The following UGT8 variants were observed in gnomAD, a reference collection of about 807,000 sequenced individuals.
UGT8 encodes the protein 2-hydroxyacylsphingosine 1-beta-galactosyltransferase.
Under a neutral mutation model 40.5 loss-of-function variants are expected in UGT8, and 12 were observed. The ratio of observed to expected loss-of-function variants is 0.30; its 90% CI spans 0.19 to 0.48. UGT8 has a LOEUF of 0.48. UGT8 is among the 20% of genes least tolerant of loss of function. UGT8 has a pLI of 0.99. For synonymous variants in UGT8, 224 were observed against 240.4 expected, an observed-to-expected ratio of 0.93 and a Z score of 0.63; for missense variants, 513 against 648.7, an observed-to-expected ratio of 0.79 and a Z score of 2.27.
chr4:114,646,147 A>G (rs1309947543), intron 2 of UGT8, among the ~76,000 whole-genome samples: 1 of 151,816 alleles, frequency 6.6e-6, no homozygotes, highest in Non-Finnish European at 1.5e-5. Flanking sequence ...TGATACTTAA[A>G]GAAGAACTTC....
Position 114,677,237 on chromosome 4 carries a change from A to G in UGT8, c.*949A>G, listed in dbSNP as rs114309643. 6.6e-6 allele frequency: 1 copy of G among 152,294 alleles called. No individual in the cohort carries two copies. Among genetic ancestry groups the G allele is most frequent in the Non-Finnish European group, 1.5e-5 (1 of 68,012 alleles). 9.4% of individuals were successfully genotyped at this position (152,294 alleles called of 1,614,324 possible). A position where few individuals can be genotyped will look rare whatever the true frequency, so the allele number is the denominator to read the frequency against. On this transcript the variant is annotated 3_prime_UTR_variant, in exon 6 of 6. Transcript: ENST00000310836. ...GTAACTGATGGCTTTTCTATAATGTAATTTTTGAATGTTCAGGTGTTACAT... is the reference window on the plus strand; with the variant it reads ...GTAACTGATGGCTTTTCTATAATGTGATTTTTGAATGTTCAGGTGTTACAT...
intron 2 of UGT8, among the ~76,000 whole-genome samples, chr4:114,656,194 T>C (rs1284542861): frequency 1.3e-5 from 2 of 152,170 alleles, no homozygotes; most frequent in Middle Eastern, 3.2e-3. Context: ...TAGTCAGAAT[T>C]GGAAGCTATG....
intron 1 of UGT8, among the ~76,000 whole-genome samples, chr4:114,604,094 G>A (rs1342378030): frequency 6.6e-6 from 1 of 152,134 alleles, no homozygotes; most frequent in East Asian, 1.9e-4. Context: ...GAGATGTTGG[G>A]TTTCTCAGGA....
intron 1 of UGT8, among the ~76,000 whole-genome samples, chr4:114,609,487 A>G (rs1730918548): frequency 6.6e-6 from 1 of 152,150 alleles, no homozygotes; most frequent in Admixed American, 6.5e-5. Flanking sequence ...CAATATACAG[A>G]AACAAGGTCC....
Position 114,619,057 on chromosome 4 carries a change from G to C in UGT8, c.-2-3822G>C, listed in dbSNP as rs578111327. ...TATATGGATATCCCAAATCATTACT[G>C]TTTCTTTTTCAAAAATGTATTCTCT... On this transcript the variant is annotated intron_variant, in intron 1 of 5. Transcript: ENST00000310836. 2.0e-5 allele frequency among the ~76,000 whole-genome samples: 3 copies of C among 151,950 alleles called. No individual in the cohort carries two copies. The South Asian group carries it at 6.2e-4, about 32-fold the overall frequency.
chr4:114,646,198 G>A (rs1733560125), intron 2 of UGT8, among the ~76,000 whole-genome samples: 1 of 151,974 alleles, frequency 6.6e-6, no homozygotes, highest in South Asian at 2.1e-4. Flanking sequence ...GCCTTTCAGG[G>A]AAAAAATTCT....
intron 1 of UGT8, among the ~76,000 whole-genome samples, chr4:114,616,727 C>T (rs899521157): frequency 1.7e-4 from 26 of 152,226 alleles, no homozygotes; most frequent in Non-Finnish European, 3.4e-4. Context: ...TGTTCCTATT[C>T]GGCCATCTTG....
chr4:114,660,323 G>A (rs992564708), intron 2 of UGT8, among the ~76,000 whole-genome samples: 16 of 152,012 alleles, frequency 1.1e-4, no homozygotes, highest in East Asian at 1.9e-4. Context: ...CGACAGAGTC[G>A]ATATAGACAA....
intron 1 of UGT8, among the ~76,000 whole-genome samples, chr4:114,604,001 T>C (rs149941633): frequency 1.3e-5 from 2 of 152,266 alleles, no homozygotes; most frequent in East Asian, 3.9e-4. Context: ...ATAGCAGCCA[T>C]TGAAAGTTTT....
At chr4:114,622,008 G>T (rs893504344) in intron 1 of UGT8, among the ~76,000 whole-genome samples, 2 of 151,830 alleles carry the variant, frequency 1.3e-5, no homozygotes, top group Non-Finnish European at 1.5e-5. Flanking sequence ...CAATGTGCAG[G>T]TTAGTTACAT....
chr4:114,619,618 A>G (rs1363243295), intron 1 of UGT8: 1 of 152,074 alleles, frequency 6.6e-6, no homozygotes, highest in Non-Finnish European at 1.5e-5. Flanking sequence ...TTCAGTCAAC[A>G]TTTAATCTTG....
At chr4:114,616,264 G>T (rs895225213) in intron 1 of UGT8, among the ~76,000 whole-genome samples, 2 of 152,102 alleles carry the variant, frequency 1.3e-5, no homozygotes, top group Non-Finnish European at 2.9e-5. Context: ...CGAGCTTCCC[G>T]GCCGCCTTGT....
chr4:114,637,171 A>C (rs1052576459), intron 2 of UGT8, among the ~76,000 whole-genome samples: 7 of 152,150 alleles, frequency 4.6e-5, no homozygotes, highest in African/African-American at 1.7e-4. Flanking sequence ...GTCCACTCCT[A>C]CGGGCGATTA....
chr4:114,661,301 A>G lies in UGT8; in HGVS notation c.823-2694A>G, dbSNP rs539589781. On this transcript the variant is annotated intron_variant, in intron 2 of 5. Transcript: ENST00000310836. ...TGTGTGTGTGCGTGTGTGTGTGTTG[A>G]ACACATTTACCATGGAGTTTGTTTT... Among the ~76,000 whole-genome samples the G allele has an allele frequency of 5.3e-5, 8 of 152,088 alleles. No homozygotes were observed. In the South Asian group the frequency reaches 1.7e-3, roughly 32 times the overall value.
chr4:114,623,129 T>A lies in UGT8; in HGVS notation c.249T>A (p.Asp83Glu). ...YPGIFNSTTS[D>E]AFLQSKMRNI... The stretch of plus-strand genomic sequence containing the variant: ...GGATCTTTAACAGTACCACCTCAGA[T>A]GCTTTCCTACAGTCCAAGATGCGGA... Residue 83 changes from aspartate (D) to glutamate (E), a missense_variant, in exon 2 of 6, where the codon GAT becomes GAA. Physicochemically the swap from Asp to Glu is conservative, Grantham distance 45. Transcript: ENST00000310836. 7 of 1,614,104 alleles carry A rather than the reference T, an allele frequency of 4.3e-6. No individual in the cohort carries two copies. The highest frequency in any genetic ancestry group is 5.9e-6 in the Non-Finnish European group (7 of 1,179,992).
intron 2 of UGT8, among the ~76,000 whole-genome samples, chr4:114,647,678 A>G (rs561757433): frequency 1.3e-5 from 2 of 152,098 alleles, no homozygotes; most frequent in Non-Finnish European, 2.9e-5. Flanking sequence ...TTCAAGCCTC[A>G]TAATATCCCT....
intron 2 of UGT8, among the ~76,000 whole-genome samples, chr4:114,629,061 G>C (rs1172764327): frequency 6.6e-6 from 1 of 152,054 alleles, no homozygotes; most frequent in Non-Finnish European, 1.5e-5. Context: ...CTCTAGGCTT[G>C]GATATGAGAC....
rs1416413082 is a variant in UGT8, at chr4:114,676,761, A to G, written c.*473A>G. 2 of 152,250 alleles carry G rather than the reference A, an allele frequency of 1.3e-5. No homozygotes were observed. Among genetic ancestry groups the G allele is most frequent in the African/African-American group, 4.8e-5 (2 of 41,292 alleles). The allele number at this position is 152,250 out of a possible 1,614,324, so 9.4% of individuals were successfully genotyped here. Reference sequence around the variant, plus strand: ...ACACACTCAAGAATAAAGTAAAAGGATAGTCAGGATCCAGATGTTTCTTTT... The same window carrying G: ...ACACACTCAAGAATAAAGTAAAAGGGTAGTCAGGATCCAGATGTTTCTTTT... On this transcript the variant is annotated 3_prime_UTR_variant, in exon 6 of 6. Coordinates refer to ENST00000310836, the MANE Select transcript of UGT8 (RefSeq NM_001128174.3).
intron 2 of UGT8, among the ~76,000 whole-genome samples, chr4:114,650,865 C>T (rs1182615279): frequency 6.6e-6 from 1 of 152,026 alleles, no homozygotes; most frequent in African/African-American, 2.4e-5. Flanking sequence ...TTTGATTCTG[C>T]AGATATGCAA....
Sources: gnomAD v4.1 joint callset for allele counts (sites outside exome capture counted in the v4.1 genomes callset) on GRCh38, gnomAD v4.1.1 for gene constraint, MANE v1.5 for transcripts, NCBI Gene and HGNC (gene_info 2026-07-23, HGNC 2026-07-21) for gene names.